Variants in TTN observed in about 807,000 individuals in gnomAD.
TTN encodes the protein connectin.
Under a neutral mutation model 3,223.0 loss-of-function variants are expected in TTN, and 1,525 were observed. The ratio of observed to expected loss-of-function variants is 0.47; its 90% CI spans 0.45 to 0.49. TTN has a LOEUF of 0.49. Among genes scored for constraint, TTN ranks in the 20% least tolerant of loss-of-function variants. The pLI is 0.00. For missense variants in TTN, 40,786 were observed against 43,424.0 expected, an observed-to-expected ratio of 0.94 and a Z score of 5.40; for synonymous variants, 14,094 against 15,161.0, an observed-to-expected ratio of 0.93 and a Z score of 5.17.
rs372092427 is a variant in TTN, at chr2:178,572,986, A to T, written c.73146T>A (p.Thr24382=). The change falls in exon 326 of 363, where the codon ACT becomes ACA. Residue 24382 remains threonine (T), a synonymous_variant. Transcript: ENST00000589042. The part of the protein sequence containing the change: ...IVTPPAGLKA[T]SYTITGLTEN... Reference sequence around the variant, plus strand: ...CTGTGAGGCCAGTGATAGTATACGAAGTTGCCTTGAGTCCTGCTGGTGGAG... The same window carrying T: ...CTGTGAGGCCAGTGATAGTATACGATGTTGCCTTGAGTCCTGCTGGTGGAG... The T allele has an allele frequency of 5.0e-6, 8 of 1,613,026 alleles. No homozygotes were observed. The African/African-American group carries it at 1.1e-4, about 22-fold the overall frequency.
At chr2:178,648,707 G>A (rs1460663041) in intron 213 of TTN, among the ~76,000 whole-genome samples, 2 of 152,184 alleles carry the variant, frequency 1.3e-5, no homozygotes, top group African/African-American at 2.4e-5. Flanking sequence ...ACCACATCCG[G>A]CCTTATTTCC....
chr2:178,748,209 C>T (rs775136326), intron 47 of TTN: 2 of 1,613,022 alleles, frequency 1.2e-6, no homozygotes, highest in Admixed American at 1.7e-5. Flanking sequence ...GCACATGATT[C>T]ACTATAGATT....
intron 221 of TTN, 135 bp downstream of exon 221, chr2:178,640,406 T>C (rs1405215501): frequency 6.1e-6 from 5 of 817,384 alleles, no homozygotes; most frequent in Non-Finnish European, 7.6e-6. Context: ...GAGAGTGAGA[T>C]GGTAAAGAAA....
chr2:178,562,910 C>T lies in TTN; in HGVS notation c.83222G>A (p.Ser27741Asn). 1 of 1,613,552 alleles carries T rather than the reference C, an allele frequency of 6.2e-7. No homozygotes were observed. The highest frequency in any genetic ancestry group is 1.1e-5 in the South Asian group (1 of 91,082). ...TTCTAATGTCAGATTATACCGACCA[C>T]TGTCAAATCTGGTAACATTATCAAT... Reference protein sequence around the residue: ...LVIDNVTRFDSGRYNLTLENN... With the variant: ...LVIDNVTRFDNGRYNLTLENN... The change falls in exon 326 of 363, where the codon AGT becomes AAT. Residue 27741 changes from serine (S) to asparagine (N), a missense_variant. Coordinates refer to ENST00000589042, the MANE Select transcript of TTN (RefSeq NM_001267550.2).
chr2:178,663,827 G>A lies in TTN; in HGVS notation c.36440C>T (p.Pro12147Leu), dbSNP rs2065266150. ...AGGTCAGTGGCAACTACCTTTAACA[G>A]GTGGGACTTCAGGCTCTTTAGGAGG... ...LAPPKEPEVP[P>L]VKVPEPPKEV... is the part of the protein sequence containing the mutation. Residue 12147 changes from proline (P) to leucine (L), a missense_variant, in exon 170 of 363, where the codon CCT becomes CTT. By Grantham distance (98) the Pro-to-Leu change is moderately conservative. Coordinates refer to ENST00000589042, the MANE Select transcript of TTN (RefSeq NM_001267550.2). 2 of 1,613,398 alleles carry A rather than the reference G, an allele frequency of 1.2e-6. No individual in the cohort carries two copies. The highest frequency in any genetic ancestry group is 2.2e-5 in the South Asian group (2 of 91,080).
Position 178,720,048 on chromosome 2 carries a change from T to C in TTN, c.23594A>G (p.Lys7865Arg), listed in dbSNP as rs746952741. Residue 7865 changes from lysine (K) to arginine (R), a missense_variant, in exon 81 of 363, where the codon AAA becomes AGA. Coordinates refer to ENST00000589042, the MANE Select transcript of TTN (RefSeq NM_001267550.2). ...ATCGTTTTTGATTTGGCATATATAT[T>C]TTCCAGAATTAGATGCTTCTGGACT... ...LGSPEASNSGKYICQIKNDAG... is the reference protein window; with the variant it reads ...LGSPEASNSGRYICQIKNDAG... 2.5e-6 allele frequency: 4 copies of C among 1,613,556 alleles called. No homozygotes were observed. The highest frequency in any genetic ancestry group is 3.4e-6 in the Non-Finnish European group (4 of 1,179,642).
At chr2:178,753,949 A>G (rs369770565) in intron 46 of TTN, 2 of 152,236 alleles carry the variant, frequency 1.3e-5, no homozygotes, top group African/African-American at 4.8e-5. Context: ...GAGTGTTTTA[A>G]TACTTTTAGT....
chr2:178,673,828 C>A (rs2067474997), intron 151 of TTN, 118 bp from the exon 152 acceptor site: 1 of 708,030 alleles, frequency 1.4e-6, no homozygotes, highest in Admixed American at 3.4e-5. Flanking sequence ...TATTAGCAAC[C>A]TAAATGGTAA....
At position 178,732,864 on chromosome 2, in the gene TTN, T is replaced by C; in HGVS notation, c.16312A>G (p.Lys5438Glu). The C allele has an allele frequency of 6.2e-7, 1 of 1,613,044 alleles. No individual in the cohort carries two copies. The highest frequency in any genetic ancestry group is 2.2e-5 in the East Asian group (1 of 44,774). ...ACAATCAGGGCTCCACTGCTGTCTTTGCTTCCCACGGAATTTGTGGCTCGA... is the reference window on the plus strand; with the variant it reads ...ACAATCAGGGCTCCACTGCTGTCTTCGCTTCCCACGGAATTTGTGGCTCGA... ...TCRATNSVGS[K>E]DSSGALIVQE... The change falls in exon 55 of 363, where the codon AAA becomes GAA. Residue 5438 changes from lysine to glutamate, a missense_variant. Physicochemically the swap from Lys to Glu is moderately conservative, Grantham distance 56 (BLOSUM62 1). Coordinates refer to ENST00000589042, the MANE Select transcript of TTN (RefSeq NM_001267550.2).
In TTN at chr2:178,715,411, G is replaced by A. The variant is rs780976261; in HGVS notation, c.25921+82C>T. ...TGTCCTTTCCCTATTTTAAAACATC[G>A]TTGAAGAGTCAAACAGGAAGTTAAG... On this transcript the variant is annotated intron_variant, in intron 89 of 362. Coordinates refer to ENST00000589042, the MANE Select transcript of TTN (RefSeq NM_001267550.2). 501 of 1,528,894 alleles carry A rather than the reference G, an allele frequency of 3.3e-4. 2 individuals are homozygous for A. The highest frequency in any genetic ancestry group is 4.1e-4 in the Non-Finnish European group (463 of 1,141,560). 94.7% of individuals were successfully genotyped at this position (1,528,894 alleles called of 1,614,324 possible).
chr2:178,795,397 C>T, intron 6 of TTN, 145 bp from the exon 7 acceptor site: 1 of 730,228 alleles, frequency 1.4e-6, no homozygotes, highest in South Asian at 1.6e-5. Context: ...AAATAATGTA[C>T]TTGGAAGTAA....
chr2:178,638,137 T>C (rs2154234602), intron 223 of TTN, among the ~76,000 whole-genome samples: 1 of 152,082 alleles, frequency 6.6e-6, no homozygotes, highest in Non-Finnish European at 1.5e-5. Context: ...ATAAAAGTAC[T>C]ACGTTGACAT....
In TTN at chr2:178,535,658, G is replaced by A. The variant is rs1178063403; in HGVS notation, c.100957C>T (p.Leu33653Phe). 6.2e-7 allele frequency: 1 copy of A among 1,613,840 alleles called. No homozygotes were observed. The highest frequency in any genetic ancestry group is 1.7e-5 in the Admixed American group (1 of 60,018). ...QVIVTRSFTSLVFPNGVERKD... is the reference protein window; with the variant it reads ...QVIVTRSFTSFVFPNGVERKD... ...CTCTCTACCCCATTGGGGAAAACAAGTGATGTGAAGGATCTTGTGACAATA... is the reference window on the plus strand; with the variant it reads ...CTCTCTACCCCATTGGGGAAAACAAATGATGTGAAGGATCTTGTGACAATA... Residue 33653 changes from leucine to phenylalanine, a missense_variant, in exon 358 of 363, where the codon CTT (leucine) becomes TTT (phenylalanine). By Grantham distance (22) the Leu-to-Phe change is conservative. Coordinates refer to ENST00000589042, the MANE Select transcript of TTN (RefSeq NM_001267550.2).
At position 178,715,131 on chromosome 2, in the gene TTN, G is replaced by A. The variant is rs727505250; in HGVS notation, c.26055C>T (p.Ser8685=). ...CAGACATTATCTTGTACTTCTTGCC[G>A]CTCCTAAGTTCTCTCTTGTCTTTAT... ...SWYKDKRELR[S]GKKYKIMSEN... The change falls in exon 90 of 363, where the codon AGC becomes AGT. Residue 8685 remains serine (S), a synonymous_variant. Coordinates refer to ENST00000589042, the MANE Select transcript of TTN (RefSeq NM_001267550.2). The A allele has an allele frequency of 1.5e-5, 24 of 1,613,668 alleles. No individual in the cohort carries two copies. Among genetic ancestry groups the A allele is most frequent in the Non-Finnish European group, 1.8e-5 (21 of 1,179,700 alleles).
At chr2:178,779,506 T>G (rs1411853112) in intron 22 of TTN, 44 bp from the exon 23 acceptor site, 1 of 1,194,350 alleles carries the variant, frequency 8.4e-7, no homozygotes, top group East Asian at 2.5e-5. Context: ...ATATCCTTAC[T>G]GATATAAATT....
rs755180003 is a variant in TTN, at chr2:178,730,782, T to C, written c.17751A>G (p.Ile5917Met). 3.8e-6 allele frequency: 6 copies of C among 1,598,428 alleles called. No individual in the cohort carries two copies. The highest frequency in any genetic ancestry group is 4.3e-6 in the Non-Finnish European group (5 of 1,170,622). ...TCAGCTTTTTGGTGAATGAAGGAGG[T>C]ATGATAAGATCTATTCAATGAAAAA... ...KARINVLDLIIPPSFTKKLKK... is the reference protein window; with the variant it reads ...KARINVLDLIMPPSFTKKLKK... The change falls in exon 61 of 363, where the codon ATA becomes ATG. Residue 5917 changes from isoleucine (I) to methionine (M), a missense_variant. Coordinates refer to ENST00000589042, the MANE Select transcript of TTN (RefSeq NM_001267550.2).
intron 21 of TTN, among the ~76,000 whole-genome samples, chr2:178,780,882 G>GAAACAA (rs2092704496): frequency 6.6e-6 from 1 of 152,188 alleles, no homozygotes; most frequent in African/African-American, 2.4e-5. Context: ...TCAGAGGCAT[G>GAAACAA]ATATGCCTAG....
At chr2:178,741,970 A>G in intron 47 of TTN, 49 bp from the exon 48 acceptor site, 1 of 1,270,722 alleles carries the variant, frequency 7.9e-7, no homozygotes, top group East Asian at 2.8e-5. Context: ...TTTATTTAAT[A>G]TAAAAATAGA....
chr2:178,548,692 G>A lies in TTN; in HGVS notation c.92934C>T (p.Phe30978=), dbSNP rs769177976. ...TGCAGTTTTCCACAGTGAGGGTGCT[G>A]AAGGAATCTGTTGTATGGATATCAG... ...LRADIHTTDS[F]STLTVENCNR... is the part of the protein sequence containing the mutation. The change falls in exon 339 of 363, where the codon TTC becomes TTT. Residue 30978 remains phenylalanine, a synonymous_variant. Coordinates refer to ENST00000589042, the MANE Select transcript of TTN (RefSeq NM_001267550.2). This position sits in a 1 kb window ranked among gnomAD's most constrained non-coding sequence, Gnocchi z 4.3. 7.4e-6 allele frequency: 12 copies of A among 1,613,784 alleles called. No homozygotes were observed. The East Asian group carries it at 2.0e-4, about 27-fold the overall frequency.
Sources: gnomAD v4.1 joint callset for allele counts (sites outside exome capture counted in the v4.1 genomes callset) on GRCh38, gnomAD v4.1.1 for gene constraint, Gnocchi (gnomAD v3.1) non-coding constraint, MANE v1.5 for transcripts, NCBI Gene and HGNC (gene_info 2026-07-23, HGNC 2026-07-21) for gene names.